Variants in CD38 observed in about 807,000 individuals in gnomAD.
CD38 encodes the protein ADP-ribosyl cyclase/cyclic ADP-ribose hydrolase 1.
In CD38, 31 loss-of-function variants were observed where a neutral mutation model predicts 36.3. That is an observed-to-expected ratio of 0.85 (90% CI 0.64 to 1.15). The LOEUF (loss-of-function observed/expected upper bound fraction) is 1.15. Among genes scored for constraint, CD38 ranks in the 50% most tolerant of loss-of-function variants. The probability of loss-of-function intolerance (pLI) is 0.00; values close to 1 mark genes in which losing one functional copy is unlikely to be tolerated. For synonymous variants in CD38, 131 were observed against 135.2 expected, an observed-to-expected ratio of 0.97 and a Z score of 0.22; for missense variants, 380 against 371.9, an observed-to-expected ratio of 1.02 and a Z score of -0.18.
At chr4:15,817,682 T>A (rs1447379894) in intron 2 of CD38, among the ~76,000 whole-genome samples, 2 of 152,232 alleles carry the variant, frequency 1.3e-5, no homozygotes, top group African/African-American at 4.8e-5. Flanking sequence ...TAAGTGATGA[T>A]GATGCTGGGC....
intron 2 of CD38, 26 bp from the exon 3 acceptor site, chr4:15,824,855 A>G (rs1276703152): frequency 6.3e-7 from 1 of 1,594,806 alleles, no homozygotes; most frequent in Non-Finnish European, 8.6e-7. Flanking sequence ...TGATCTCAGT[A>G]ATAGATTGTA....
At chr4:15,817,228 ATG>A (rs1292577569) in intron 2 of CD38, among the ~76,000 whole-genome samples, 1 of 152,206 alleles carries the variant, frequency 6.6e-6, no homozygotes, top group Non-Finnish European at 1.5e-5. Flanking sequence ...TTAAATGTAA[ATG>A]GTATGAGACC....
At chr4:15,787,875 T>G (rs1722876539) in intron 1 of CD38, among the ~76,000 whole-genome samples, 1 of 152,178 alleles carries the variant, frequency 6.6e-6, no homozygotes, top group African/African-American at 2.4e-5. Flanking sequence ...GTAATTAACA[T>G]TGTTGTTCCG....
chr4:15,807,759 A>G (rs1723374035), intron 1 of CD38, among the ~76,000 whole-genome samples: 1 of 152,214 alleles, frequency 6.6e-6, no homozygotes, highest in South Asian at 2.1e-4. Context: ...TAGACTGAAA[A>G]TATTTGCTAA....
chr4:15,841,558 C>A (rs1021813390), intron 7 of CD38, among the ~76,000 whole-genome samples: 3 of 151,870 alleles, frequency 2.0e-5, no homozygotes, highest in Non-Finnish European at 4.4e-5. Context: ...GCGGAGGAGC[C>A]AAGATGGCCG....
At chr4:15,782,484 T>G (rs1023415512) in intron 1 of CD38, among the ~76,000 whole-genome samples, 4 of 152,226 alleles carry the variant, frequency 2.6e-5, no homozygotes, top group Non-Finnish European at 4.4e-5. Flanking sequence ...TCCTGGAATG[T>G]CTTCTTGAGC....
At chr4:15,819,438 A>C (rs911529548) in intron 2 of CD38, among the ~76,000 whole-genome samples, 2 of 152,188 alleles carry the variant, frequency 1.3e-5, no homozygotes, top group African/African-American at 4.8e-5. Context: ...GAAGATGCAT[A>C]ATAATGAAAT....
rs1724334866 is a variant in CD38 at position 15,849,219 on chromosome 4, A to C, written c.*617A>C. On this transcript the variant is annotated 3_prime_UTR_variant, in exon 8 of 8. Transcript: ENST00000226279. ...GAAAATGGGAGCTCAGAGAGGTTAT[A>C]TATTTAAGTTGGTGCAAAAGTAATT... 6.6e-6 allele frequency: 1 copy of C among 152,326 alleles called. No individual in the cohort carries two copies. Among genetic ancestry groups the C allele is most frequent in the Non-Finnish European group, 1.5e-5 (1 of 68,040 alleles). 9.4% of individuals were successfully genotyped at this position (152,326 alleles called of 1,614,324 possible). A position where few individuals can be genotyped will look rare whatever the true frequency, so the allele number is the denominator to read the frequency against.
intron 1 of CD38, among the ~76,000 whole-genome samples, chr4:15,807,475 C>A (rs1385602417): frequency 1.3e-5 from 2 of 152,182 alleles, no homozygotes; most frequent in Non-Finnish European, 2.9e-5. Flanking sequence ...ATGCTGGTGT[C>A]CCATGGAGTT....
intron 1 of CD38, among the ~76,000 whole-genome samples, chr4:15,791,561 C>T (rs1156651922): frequency 2.8e-5 from 2 of 70,864 alleles, no homozygotes; most frequent in East Asian, 3.6e-4. Context: ...CCAGCCGCCC[C>T]GTCCGGGAGG....
At chr4:15,791,018 G>C (rs374030916) in intron 1 of CD38, among the ~76,000 whole-genome samples, 3 of 144,486 alleles carry the variant, frequency 2.1e-5, no homozygotes, top group African/African-American at 5.3e-5. Context: ...GTCTCCGCCC[G>C]GCAGCCACCC....
chr4:15,838,131 A>G lies in CD38; in HGVS notation c.625A>G (p.Asn209Asp). The G allele has an allele frequency of 6.2e-7, 1 of 1,613,888 alleles. No individual in the cohort carries two copies. The highest frequency in any genetic ancestry group is 2.2e-5 in the East Asian group (1 of 44,880). ...CTGTGATGTGGTCCATGTGATGCTCAATGGATCCCGCAGTAAAATCTTTGA... is the reference window on the plus strand; with the variant it reads ...CTGTGATGTGGTCCATGTGATGCTCGATGGATCCCGCAGTAAAATCTTTGA... ...AACDVVHVML[N>D]GSRSKIFDKN... The change falls in exon 5 of 8, where the codon AAT (asparagine) becomes GAT (aspartate). Residue 209 changes from asparagine to aspartate, a missense_variant. Asn to Asp is a conservative substitution (Grantham distance 23). Coordinates refer to ENST00000226279, the MANE Select transcript of CD38 (RefSeq NM_001775.4).
chr4:15,787,542 G>T (rs1178113555), intron 1 of CD38, among the ~76,000 whole-genome samples: 1 of 152,222 alleles, frequency 6.6e-6, no homozygotes, highest in African/African-American at 2.4e-5. Context: ...GAGTCCTGAG[G>T]CTTCAGGGTC....
intron 1 of CD38, among the ~76,000 whole-genome samples, chr4:15,790,345 GTT>G (rs879373376): frequency 3.7e-5 from 5 of 134,354 alleles, no homozygotes; most frequent in Admixed American, 7.5e-5. Context: ...ACTGGTTTTC[GTT>G]TTTTTTTTTT....
chr4:15,839,216 A>G (rs10805347), intron 5 of CD38, among the ~76,000 whole-genome samples: 110,468 of 151,912 alleles, frequency 0.73, 41,622 homozygotes, highest in African/African-American at 0.92. Context: ...TTTATGATCT[A>G]ATATTATGGT....
intron 1 of CD38, among the ~76,000 whole-genome samples, chr4:15,808,542 A>G (rs888630084): frequency 3.3e-5 from 5 of 152,214 alleles, no homozygotes; most frequent in African/African-American, 1.2e-4. Context: ...AAAAATTGAG[A>G]CTATAAGAAG....
At chr4:15,823,129 TG>T (rs1241433301) in intron 2 of CD38, among the ~76,000 whole-genome samples, 2 of 152,238 alleles carry the variant, frequency 1.3e-5, no homozygotes, top group African/African-American at 4.8e-5. Flanking sequence ...CCTAGCCATA[TG>T]CAGACAATTG....
At chr4:15,831,960 G>T (rs759800042) in intron 3 of CD38, among the ~76,000 whole-genome samples, 1 of 152,030 alleles carries the variant, frequency 6.6e-6, no homozygotes, top group Admixed American at 6.6e-5. Context: ...GATCCTGCCA[G>T]TGTGCTTCAT....
intron 2 of CD38, among the ~76,000 whole-genome samples, chr4:15,821,119 T>G (rs1406696995): frequency 1.3e-5 from 2 of 152,124 alleles, no homozygotes; most frequent in Non-Finnish European, 2.9e-5. Context: ...AAGCCAGAAA[T>G]TAAGAAGTTC....
Sources: gnomAD v4.1 joint callset for allele counts (sites outside exome capture counted in the v4.1 genomes callset) on GRCh38, gnomAD v4.1.1 for gene constraint, MANE v1.5 for transcripts, NCBI Gene and HGNC (gene_info 2026-07-23, HGNC 2026-07-21) for gene names.